Variants in INCA1 observed in about 807,000 individuals in gnomAD.
INCA1 encodes the protein protein INCA1.
Under a neutral mutation model 25.7 loss-of-function variants are expected in INCA1, and 28 were observed. The observed-to-expected ratio is 1.09, with a 90% CI of 0.81 to 1.49. INCA1 has a LOEUF of 1.49. INCA1 is among the 40% of genes most tolerant of loss of function. The probability of loss-of-function intolerance (pLI) is 0.00; values close to 1 mark genes in which losing one functional copy is unlikely to be tolerated. For synonymous variants in INCA1, 111 were observed against 103.6 expected (o/e 1.07, Z -0.43); for missense variants, 309 against 290.9 (o/e 1.06, Z -0.45).
exon 7 of INCA1, chr17:4,988,365 C>T: frequency 6.4e-7 from 1 of 1,556,174 alleles, no homozygotes; most frequent in Non-Finnish European, 8.7e-7. Context: ...GTCTTGGGTC[C>T]CTGGGGCACC....
At chr17:4,992,638 T>G (rs900059698) in intron 2 of INCA1, among the ~76,000 whole-genome samples, 1 of 126,286 alleles carries the variant, frequency 7.9e-6, no homozygotes, top group Non-Finnish European at 1.8e-5. Flanking sequence ...CTCTCCTCCC[T>G]TCCCCTCCCC....
chr17:4,988,298 G>C, exon 7 of INCA1: 4 of 1,279,496 alleles, frequency 3.1e-6, no homozygotes, highest in Non-Finnish European at 4.3e-6. Context: ...TTGGAGAGAC[G>C]AAGGAAGGGG....
intron 2 of INCA1, among the ~76,000 whole-genome samples, chr17:4,993,467 T>C (rs960430999): frequency 5.3e-5 from 8 of 152,038 alleles, no homozygotes; most frequent in African/African-American, 1.9e-4. Flanking sequence ...CATGAGCCAT[T>C]GGGCCCGGCC....
chr17:4,996,205 C>T (rs962125309), intron 1 of INCA1, among the ~76,000 whole-genome samples: 2 of 151,784 alleles, frequency 1.3e-5, no homozygotes, highest in Non-Finnish European at 2.9e-5. Flanking sequence ...GGCAACATGG[C>T]GAAACCCCCT....
intron 2 of INCA1, 94 bp downstream of exon 2, chr17:4,994,300 G>C (rs1047544351): frequency 7.7e-6 from 9 of 1,164,796 alleles, no homozygotes; most frequent in Non-Finnish European, 1.2e-5. Flanking sequence ...TGCATTTCCC[G>C]TTCTTTATTT....
intron 2 of INCA1, among the ~76,000 whole-genome samples, chr17:4,993,537 C>T (rs58251874): frequency 0.066 from 9,952 of 149,802 alleles, 1,054 homozygotes; most frequent in African/African-American, 0.22. Context: ...GGTGTGATCT[C>T]GGCTCATTGC....
intron 5 of INCA1, among the ~76,000 whole-genome samples, 194 bp downstream of exon 5, chr17:4,989,234 G>T (rs1170196762): frequency 1.3e-5 from 2 of 152,014 alleles, no homozygotes; most frequent in South Asian, 2.1e-4. Context: ...CCTCCTTACT[G>T]CAGTTCCCTC....
intron 2 of INCA1, among the ~76,000 whole-genome samples, chr17:4,991,075 C>T (rs1482975104): frequency 6.6e-6 from 1 of 151,564 alleles, no homozygotes; most frequent in African/African-American, 2.4e-5. Flanking sequence ...CCCACTACCA[C>T]GCCCGGCCAA....
chr17:4,994,287 C>T, intron 2 of INCA1, 107 bp downstream of exon 2: 3 of 954,070 alleles, frequency 3.1e-6, no homozygotes, highest in Middle Eastern at 3.0e-4. Flanking sequence ...TGAGACCAGG[C>T]ATTGCATTTC....
At chr17:4,988,619 T>C (rs1301133239) in intron 6 of INCA1, 65 bp from the exon 7 acceptor site, 1 of 1,590,262 alleles carries the variant, frequency 6.3e-7, no homozygotes, top group East Asian at 2.2e-5. Flanking sequence ...GATTTCCTAG[T>C]ACCCAAGCTT....
At chr17:4,988,722 G>A in intron 6 of INCA1, 57 bp downstream of exon 6, 2 of 1,601,380 alleles carry the variant, frequency 1.2e-6, no homozygotes, top group South Asian at 1.1e-5. Flanking sequence ...GCATCTCCAT[G>A]CAAGACCAGA....
downstream of INCA1, chr17:4,988,206 G>T: frequency 1.9e-6 from 1 of 514,738 alleles, no homozygotes; most frequent in Non-Finnish European, 3.4e-6. Context: ...AACAGGACTT[G>T]GGGTGCTCCT....
intron 1 of INCA1, chr17:4,995,944 A>G (rs1974213679): frequency 6.6e-6 from 1 of 152,178 alleles, no homozygotes; most frequent in Non-Finnish European, 1.5e-5. Flanking sequence ...ACAAAATAAA[A>G]AAAGAAATTA....
At chr17:4,993,065 A>G (rs1422645718) in intron 2 of INCA1, among the ~76,000 whole-genome samples, 3 of 150,218 alleles carry the variant, frequency 2.0e-5, no homozygotes, top group African/African-American at 7.4e-5. Flanking sequence ...TTTTTAGTAG[A>G]GACGAGGTTT....
intron 2 of INCA1, among the ~76,000 whole-genome samples, chr17:4,993,482 T>G (rs1219194265): frequency 1.3e-5 from 2 of 152,076 alleles, no homozygotes; most frequent in Non-Finnish European, 2.9e-5. Context: ...CCGGCCTTTT[T>G]TTTTGAGACG....
intron 5 of INCA1, 47 bp from the exon 6 acceptor site, chr17:4,988,991 T>A: frequency 6.5e-7 from 1 of 1,549,212 alleles, no homozygotes. Context: ...AGGCCAGGCT[T>A]CCTGTCTCTC....
chr17:4,988,637 T>G (rs1597797624), intron 6 of INCA1, 83 bp from the exon 7 acceptor site: 2 of 1,569,714 alleles, frequency 1.3e-6, no homozygotes. Context: ...CTTAGGTACC[T>G]CGAAGTCTCT....
chr17:4,990,132 C>T lies in INCA1; in HGVS notation c.158+20G>A. 6.2e-7 allele frequency: 1 copy of T among 1,614,020 alleles called. No individual in the cohort carries two copies. The highest frequency in any genetic ancestry group is 8.5e-7 in the Non-Finnish European group (1 of 1,179,966). On this transcript the variant is annotated intron_variant, in intron 3 of 6. Coordinates refer to ENST00000576820, the Ensembl canonical transcript of INCA1. ...AGTTAAGACCACATCCAGTTAGTTTCCATTTTCTCCTCTACTCACGTGGGC... is the reference window on the plus strand; with the variant it reads ...AGTTAAGACCACATCCAGTTAGTTTTCATTTTCTCCTCTACTCACGTGGGC...
At chr17:4,992,138 C>T (rs1973912578) in intron 2 of INCA1, among the ~76,000 whole-genome samples, 1 of 152,168 alleles carries the variant, frequency 6.6e-6, no homozygotes, top group Non-Finnish European at 1.5e-5. Context: ...TTGAAGCTGA[C>T]TGAAAAGGGT....
Sources: allele counts gnomAD v4.1 joint callset (sites outside exome capture counted in the v4.1 genomes callset), GRCh38; gene constraint gnomAD v4.1.1; transcripts MANE v1.5; gene names NCBI Gene and HGNC (gene_info 2026-07-23, HGNC 2026-07-21).